Variants in TNR observed in about 807,000 individuals in gnomAD.
The protein encoded by TNR is tenascin R.
A neutral mutation model predicts 150.4 loss-of-function variants in TNR; 45 were observed. The ratio of observed to expected loss-of-function variants is 0.30; its 90% CI spans 0.24 to 0.38. TNR has a LOEUF of 0.38. Among genes scored for constraint, TNR ranks in the 10% least tolerant of loss-of-function variants. The probability of loss-of-function intolerance (pLI) is 1.00; values close to 1 mark genes in which losing one functional copy is unlikely to be tolerated. For missense variants in TNR, 1,544 were observed against 1,759.1 expected (o/e 0.88, Z 2.19); for synonymous variants, 687 against 678.4 (o/e 1.01, Z -0.20).
At chr1:175,565,031 G>A (rs1661586599) in intron 1 of TNR, among the ~76,000 whole-genome samples, 1 of 152,220 alleles carries the variant, frequency 6.6e-6, no homozygotes, top group Non-Finnish European at 1.5e-5. Context: ...TTATGACATA[G>A]CATCCAAGGC....
rs139823491 is a variant in TNR, at chr1:175,434,205, A to G, written c.-63-27428T>C. On this transcript the variant is annotated intron_variant, in intron 2 of 22. Coordinates refer to ENST00000367674, the MANE Select transcript of TNR (RefSeq NM_003285.3). ...AGATAATGCACATCCATTTCCAGAG[A>G]GCAGGCGTGAGGCAGAGCACTGGAA... 4.6e-3 allele frequency among the ~76,000 whole-genome samples: 707 copies of G among 152,286 alleles called. 4 individuals are homozygous for G. Among genetic ancestry groups the G allele is most frequent in the Non-Finnish European group, 5.0e-3 (339 of 68,024 alleles).
chr1:175,693,691 T>G (rs1306963438), intron 1 of TNR, among the ~76,000 whole-genome samples: 1 of 152,212 alleles, frequency 6.6e-6, no homozygotes, highest in Non-Finnish European at 1.5e-5. Context: ...AATGCTTTGA[T>G]TGAATCTCAC....
intron 9 of TNR, among the ~76,000 whole-genome samples, chr1:175,369,754 A>G (rs1652010503): frequency 6.6e-6 from 1 of 152,130 alleles, no homozygotes; most frequent in African/African-American, 2.4e-5. Flanking sequence ...GGCAGCTGTG[A>G]TTTCTCTGGA....
At chr1:175,594,634 G>A (rs1662934187) in intron 1 of TNR, among the ~76,000 whole-genome samples, 2 of 152,086 alleles carry the variant, frequency 1.3e-5, no homozygotes. Context: ...GCGGGCCAAT[G>A]TCTTGAGCCC....
At chr1:175,372,198 G>A (rs190231880) in intron 9 of TNR, among the ~76,000 whole-genome samples, 3 of 152,328 alleles carry the variant, frequency 2.0e-5, no homozygotes, top group Non-Finnish European at 4.4e-5. Context: ...GCAGATTCTG[G>A]CACCATGTTT....
At chr1:175,566,343 T>C (rs1348943984) in intron 1 of TNR, among the ~76,000 whole-genome samples, 4 of 152,204 alleles carry the variant, frequency 2.6e-5, no homozygotes, top group African/African-American at 9.6e-5. Context: ...ATTTGCTACA[T>C]GTTAAGTATG....
chr1:175,445,003 G>T (rs962149499), intron 2 of TNR, among the ~76,000 whole-genome samples: 1 of 152,304 alleles, frequency 6.6e-6, no homozygotes, highest in South Asian at 2.1e-4. Flanking sequence ...GGGCGCGGTG[G>T]CTCACACCTG....
At chr1:175,526,875 G>T (rs919957396) in intron 2 of TNR, among the ~76,000 whole-genome samples, 1 of 152,240 alleles carries the variant, frequency 6.6e-6, no homozygotes, top group Non-Finnish European at 1.5e-5. Flanking sequence ...TTGTAAGTGT[G>T]TGGGGAAGGG....
chr1:175,710,275 G>C (rs978771985), intron 1 of TNR, among the ~76,000 whole-genome samples: 3 of 152,030 alleles, frequency 2.0e-5, no homozygotes, highest in African/African-American at 7.2e-5. Context: ...ACATGGGAAG[G>C]GAGGGACCTG....
chr1:175,741,157 G>C (rs1667916136), intron 1 of TNR, among the ~76,000 whole-genome samples: 1 of 152,178 alleles, frequency 6.6e-6, no homozygotes, highest in African/African-American at 2.4e-5. Flanking sequence ...TCTATCCAAT[G>C]GGGAGCAATC....
chr1:175,727,163 A>G (rs951560308), intron 1 of TNR, among the ~76,000 whole-genome samples: 5 of 152,268 alleles, frequency 3.3e-5, no homozygotes, highest in East Asian at 3.8e-4. Context: ...AACAGTGCAT[A>G]TGGAGTCAAA....
intron 8 of TNR, among the ~76,000 whole-genome samples, chr1:175,380,171 G>C (rs1652604736): frequency 6.6e-6 from 1 of 152,184 alleles, no homozygotes; most frequent in Admixed American, 6.5e-5. Context: ...TGAAGTGTAA[G>C]GTGCCTTCCT....
chr1:175,376,451 C>T (rs760321937), intron 9 of TNR, among the ~76,000 whole-genome samples: 1 of 139,544 alleles, frequency 7.2e-6, no homozygotes, highest in Non-Finnish European at 1.6e-5. Context: ...CCAAATCACA[C>T]AGCAAGTGGC....
chr1:175,436,851 C>T lies in TNR; in HGVS notation c.-63-30074G>A, dbSNP rs978951244. On this transcript the variant is annotated intron_variant, in intron 2 of 22. Transcript: ENST00000367674. ...ACTTACTATCCTAAATATATATGCA[C>T]CCAATACAGGAGTACCCAGATACAT... is the stretch of plus-strand genomic sequence containing the variant. 5.3e-5 allele frequency among the ~76,000 whole-genome samples: 8 copies of T among 152,294 alleles called. 1 individual carries two copies. Among genetic ancestry groups the T allele is most frequent in the African/African-American group, 1.4e-4 (6 of 41,552 alleles).
At position 175,396,445 on chromosome 1, in the gene TNR, C is replaced by T; in HGVS notation, c.1240+99G>A. 2.8e-6 allele frequency: 4 copies of T among 1,429,032 alleles called. No homozygotes were observed. The East Asian group carries it at 9.2e-5, about 33-fold the overall frequency. 88.5% of individuals were successfully genotyped at this position (1,429,032 alleles called of 1,614,324 possible). A position where few individuals can be genotyped will look rare whatever the true frequency, so the allele number is the denominator to read the frequency against. On this transcript the variant is annotated intron_variant, in intron 5 of 22. Transcript: ENST00000367674. ...CCTCAAGGGCAATAACTATTCCAGG[C>T]ATCCCTGAAGAACTAAGAAAAGACG...
chr1:175,555,515 G>GGAAA (rs771916145), intron 1 of TNR, among the ~76,000 whole-genome samples: 228 of 127,900 alleles, frequency 1.8e-3, no homozygotes, highest in African/African-American at 4.5e-3. Context: ...ACAACTGAGA[G>GGAAA]AAAAAAAAAA....
chr1:175,393,687 T>C, intron 6 of TNR, 93 bp downstream of exon 6: 1 of 973,332 alleles, frequency 1.0e-6, no homozygotes, highest in Non-Finnish European at 1.7e-6. Flanking sequence ...GAGAGAGATA[T>C]TGGGTAGCAC....
intron 1 of TNR, among the ~76,000 whole-genome samples, chr1:175,624,173 G>A (rs1664070033): frequency 6.6e-6 from 1 of 152,012 alleles, no homozygotes; most frequent in Non-Finnish European, 1.5e-5. Flanking sequence ...AGCTTACATG[G>A]TGGTACCTCT....
intron 1 of TNR, among the ~76,000 whole-genome samples, chr1:175,601,566 A>T (rs569149414): frequency 6.6e-6 from 1 of 152,132 alleles, no homozygotes; most frequent in Non-Finnish European, 1.5e-5. Flanking sequence ...GGATAATTAT[A>T]CTCATGAATA....
Sources: allele counts gnomAD v4.1 joint callset (sites outside exome capture counted in the v4.1 genomes callset), GRCh38; gene constraint gnomAD v4.1.1; transcripts MANE v1.5; gene names NCBI Gene and HGNC (gene_info 2026-07-23, HGNC 2026-07-21).